Variants in GOLGB1 observed in about 807,000 individuals in gnomAD.
GOLGB1 encodes golgin subfamily B member 1.
Under a neutral mutation model 336.9 loss-of-function variants are expected in GOLGB1, and 174 were observed. That is an observed-to-expected ratio of 0.52 (90% confidence interval 0.46 to 0.59). GOLGB1 has a LOEUF of 0.59. Among genes scored for constraint, GOLGB1 ranks in the 20% least tolerant of loss-of-function variants. The pLI is 0.00. For synonymous variants in GOLGB1, 1,208 were observed against 1,289.2 expected (o/e 0.94, Z 1.35); for missense variants, 3,331 against 3,645.3 (o/e 0.91, Z 2.22).
rs556983926 is a variant in GOLGB1, at chr3:121,674,058, T to C, written c.9177+2835A>G. On this transcript the variant is annotated intron_variant, in intron 17 of 21. Transcript: ENST00000614479. ...TTGATTTCTTTTCCAGATTGTTTGC[T>C]GTTGGCATATATAAATGCTACTGAT... Among the ~76,000 whole-genome samples the C allele has an allele frequency of 2.6e-5, 4 of 152,342 alleles. No homozygotes were observed. The East Asian group carries it at 7.7e-4, about 29-fold the overall frequency.
In GOLGB1 at chr3:121,747,150, T is replaced by A. The variant is rs868603318; in HGVS notation, c.-3+2482A>T. Among the ~76,000 whole-genome samples the A allele has an allele frequency of 2.0e-4, 10 of 49,582 alleles. 1 individual carries two copies. The South Asian group carries it at 3.0e-3, about 15-fold the overall frequency. 32.5% of individuals were successfully genotyped at this position (49,582 alleles called of 152,430 possible). On this transcript the variant is annotated intron_variant, in intron 1 of 21. Coordinates refer to ENST00000614479, the MANE Select transcript of GOLGB1 (RefSeq NM_001366282.2). ...GCCCTAAGATATATATACATGGATG[T>A]TATATATATATATATATATATATAT...
intron 14 of GOLGB1, among the ~76,000 whole-genome samples, chr3:121,687,878 G>A (rs908660849): frequency 1.3e-5 from 2 of 152,112 alleles, no homozygotes; most frequent in African/African-American, 4.8e-5. Flanking sequence ...TGCATTTACG[G>A]TCTGAAAAGA....
chr3:121,709,176 TC>T lies in GOLGB1; in HGVS notation c.1404+5684del, dbSNP rs370092992. Among the ~76,000 whole-genome samples, 20 of 152,156 alleles carry T rather than the reference TC, an allele frequency of 1.3e-4. No individual in the cohort carries two copies. The East Asian group carries it at 3.9e-3, about 29-fold the overall frequency. On this transcript the variant is annotated intron_variant, in intron 10 of 21. Transcript: ENST00000614479. The stretch of plus-strand genomic sequence containing the variant: ...ATGTGTATGTACTAATAACAGAGAT[TC>T]CAATTACCAAGAAGCAAAAAATGAC...
At position 121,730,989 on chromosome 3, in the gene GOLGB1, G is replaced by A. The variant is rs776654328; in HGVS notation, c.-2-16C>T. 2 of 1,605,734 alleles carry A rather than the reference G, an allele frequency of 1.2e-6. No individual in the cohort carries two copies. The highest frequency in any genetic ancestry group is 1.7e-5 in the Admixed American group (1 of 58,216). On this transcript the variant is annotated splice_polypyrimidine_tract_variant and intron_variant, in intron 1 of 21. Transcript: ENST00000614479. ...CTCAGCATTTCTGTAGGAAAAGAAG[G>A]GGGGAAAAAACCTAAGAATCAGCAA...
At chr3:121,748,715 A>G (rs2108476687) in intron 1 of GOLGB1, 1 of 624,744 alleles carries the variant, frequency 1.6e-6, no homozygotes, top group Non-Finnish European at 2.0e-6. Context: ...TGCATCTTGC[A>G]CAGAACTGTA....
chr3:121,690,165 CTTTT>C (rs957004307), intron 14 of GOLGB1, among the ~76,000 whole-genome samples: 3 of 152,088 alleles, frequency 2.0e-5, no homozygotes, highest in Non-Finnish European at 4.4e-5. Context: ...TTTTACGTCA[CTTTT>C]TTTTATTTTT....
intron 10 of GOLGB1, among the ~76,000 whole-genome samples, chr3:121,712,939 G>A (rs923027676): frequency 3.1e-4 from 47 of 152,158 alleles, no homozygotes; most frequent in Non-Finnish European, 4.9e-4. Flanking sequence ...CGAGGTGGGC[G>A]GATCACGAGG....
chr3:121,719,717 G>C lies in GOLGB1; in HGVS notation c.700C>G (p.Gln234Glu). 6.2e-7 allele frequency: 1 copy of C among 1,610,096 alleles called. No individual in the cohort carries two copies. Among genetic ancestry groups the C allele is most frequent in the African/African-American group, 1.3e-5 (1 of 74,734 alleles). Reference sequence around the variant, plus strand: ...AGCTCATCTTCATGAAGACGAACTTGTGTTTCAAAGCGGGCATCTTTCTCT... The same window carrying C: ...AGCTCATCTTCATGAAGACGAACTTCTGTTTCAAAGCGGGCATCTTTCTCT... The part of the protein sequence containing the change: ...VREKDARFET[Q>E]VRLHEDELLQ... The change falls in exon 7 of 22, where the codon CAA becomes GAA. Residue 234 changes from glutamine (Q) to glutamate (E), a missense_variant. Gln to Glu is a conservative substitution (Grantham distance 29, BLOSUM62 2). Coordinates refer to ENST00000614479, the MANE Select transcript of GOLGB1 (RefSeq NM_001366282.2).
intron 10 of GOLGB1, among the ~76,000 whole-genome samples, chr3:121,710,586 T>G (rs2108035917): frequency 6.6e-6 from 1 of 152,272 alleles, no homozygotes; most frequent in South Asian, 2.1e-4. Context: ...TGCCTATAAT[T>G]CCAGCATTTT....
In GOLGB1 at chr3:121,694,085, C is replaced by A. The variant is rs890524526; in HGVS notation, c.6438G>T (p.Met2146Ile). The A allele has an allele frequency of 2.5e-6, 4 of 1,614,022 alleles. No individual in the cohort carries two copies. In the East Asian group the frequency reaches 6.7e-5, roughly 27 times the overall value. ...EEKHLKEKKNMQEKLDALRRE... is the reference protein window; with the variant it reads ...EEKHLKEKKNIQEKLDALRRE... ...TGCGCAAAGCATCCAGTTTCTCTTG[C>A]ATATTCTTCTTCTCTTTCAGGTGCT... Residue 2146 changes from methionine to isoleucine, a missense_variant, in exon 13 of 22, where the codon ATG becomes ATT. Transcript: ENST00000614479.
chr3:121,729,666 C>T (rs534274406), intron 3 of GOLGB1, among the ~76,000 whole-genome samples, 199 bp downstream of exon 3: 1 of 152,248 alleles, frequency 6.6e-6, no homozygotes, highest in African/African-American at 2.4e-5. Context: ...ATCCTCCCAT[C>T]TCAGCCTCCC....
chr3:121,686,917 T>C (rs912176633), intron 14 of GOLGB1, among the ~76,000 whole-genome samples: 1 of 152,120 alleles, frequency 6.6e-6, no homozygotes, highest in South Asian at 2.1e-4. Context: ...TAGATCAGTT[T>C]GGTGTGAATG....
chr3:121,687,798 A>C (rs1202108155), intron 14 of GOLGB1, among the ~76,000 whole-genome samples: 1 of 152,234 alleles, frequency 6.6e-6, no homozygotes, highest in African/African-American at 2.4e-5. Context: ...TTGACTTAGA[A>C]GATAATCAAT....
At chr3:121,722,615 G>A (rs1271005641) in intron 5 of GOLGB1, among the ~76,000 whole-genome samples, 1 of 152,016 alleles carries the variant, frequency 6.6e-6, no homozygotes, top group Admixed American at 6.6e-5. Context: ...GACAGCACAA[G>A]ATAGTAAAAC....
chr3:121,724,647 C>T (rs1359812703), intron 5 of GOLGB1, among the ~76,000 whole-genome samples: 1 of 151,976 alleles, frequency 6.6e-6, no homozygotes, highest in African/African-American at 2.4e-5. Flanking sequence ...CAAGAAGGCA[C>T]AGCCACCACT....
intron 1 of GOLGB1, among the ~76,000 whole-genome samples, chr3:121,733,215 C>T (rs967538631): frequency 2.1e-5 from 3 of 142,544 alleles, no homozygotes; most frequent in Non-Finnish European, 4.5e-5. Flanking sequence ...CCCAGCTACT[C>T]TGGAGGCTGA....
chr3:121,726,810 T>C lies in GOLGB1; in HGVS notation c.531+103A>G, dbSNP rs1251547720. The C allele has an allele frequency of 7.7e-6, 6 of 778,054 alleles. No homozygotes were observed. The African/African-American group carries it at 1.1e-4, about 14-fold the overall frequency. The allele number at this position is 778,054 out of a possible 1,614,324, so 48.2% of individuals were successfully genotyped here. On this transcript the variant is annotated intron_variant, in intron 5 of 21. Transcript: ENST00000614479. ...AGAAGGAGACTGATATATACATAGA[T>C]AAATGCCCATTGTGCATCTAGAAAA...
rs1157728909 is a variant in GOLGB1, at chr3:121,692,019, T to C, written c.7345A>G (p.Thr2449Ala). 11 of 1,613,418 alleles carry C rather than the reference T, an allele frequency of 6.8e-6. No homozygotes were observed. Among genetic ancestry groups the C allele is most frequent in the South Asian group, 3.3e-5 (3 of 90,904 alleles). The change falls in exon 14 of 22, where the codon ACA (threonine) becomes GCA (alanine). Residue 2449 changes from threonine to alanine, a missense_variant. Transcript: ENST00000614479. ...AVDKTNQLMETLKTIKKENIQ... is the reference protein window; with the variant it reads ...AVDKTNQLMEALKTIKKENIQ... The stretch of plus-strand genomic sequence containing the variant: ...TTTTCCTTTTTGATGGTTTTCAGTG[T>C]TTCCATAAGCTGATTGGTTTTATCA...
chr3:121,702,745 C>T (rs1373493582), intron 10 of GOLGB1, 150 bp from the exon 11 acceptor site: 2 of 380,398 alleles, frequency 5.3e-6, no homozygotes, highest in Admixed American at 9.1e-5. Context: ...CCTAGGTAAT[C>T]TTTGAAGAAA....
Sources: gnomAD v4.1 joint callset for allele counts (sites outside exome capture counted in the v4.1 genomes callset) on GRCh38, gnomAD v4.1.1 for gene constraint, MANE v1.5 for transcripts, NCBI Gene and HGNC (gene_info 2026-07-23, HGNC 2026-07-21) for gene names.